GALNT13: variants seen among roughly 807,000 people sequenced by gnomAD.
GALNT13 encodes UDP-GalNAc:polypeptide N-acetylgalactosaminyltransferase 13.
In GALNT13, 28 loss-of-function variants were observed where a neutral mutation model predicts 64.2. The observed-to-expected ratio is 0.44, with a 90% CI of 0.32 to 0.60. The LOEUF (loss-of-function observed/expected upper bound fraction) is 0.60. Ranked by LOEUF, GALNT13 falls within the 20% of genes least tolerant of loss-of-function variation. The pLI, the probability that GALNT13 is intolerant of heterozygous loss-of-function variation, is 0.05. For synonymous variants in GALNT13, 214 were observed against 224.6 expected (o/e 0.95, Z 0.42); for missense variants, 577 against 669.8 (o/e 0.86, Z 1.53).
At chr2:153,766,910 C>T in the GALNT13 span, among the ~76,000 whole-genome samples, 1 of 151,978 alleles carries the variant, frequency 6.6e-6, no homozygotes, top group Non-Finnish European at 1.5e-5. Context: ...TATTTCTTTT[C>T]ACTTTTTTAT....
chr2:154,099,829 G>A (rs12622619), intron 3 of GALNT13, among the ~76,000 whole-genome samples: 54,918 of 151,928 alleles, frequency 0.36, 10,301 homozygotes, highest in Non-Finnish European at 0.41. Context: ...GGTCCCAGCT[G>A]CAAGGGGAGC....
chr2:153,577,936 TCACA>T, the GALNT13 span, among the ~76,000 whole-genome samples: 3 of 151,342 alleles, frequency 2.0e-5, no homozygotes, highest in Non-Finnish European at 4.4e-5. Flanking sequence ...ACACAGGTAG[TCACA>T]CACAAACACA....
intron 4 of GALNT13, among the ~76,000 whole-genome samples, chr2:154,196,809 G>A (rs926067415): frequency 6.6e-6 from 1 of 152,154 alleles, no homozygotes; most frequent in African/African-American, 2.4e-5. Flanking sequence ...CCAAGAATTG[G>A]GTTCTACTAA....
chr2:154,139,580 C>T (rs1005995347), intron 3 of GALNT13, among the ~76,000 whole-genome samples: 3 of 150,788 alleles, frequency 2.0e-5, no homozygotes, highest in Admixed American at 6.7e-5. Context: ...GGCACTTTGT[C>T]TTATTACTAT....
At chr2:153,280,873 T>C in the GALNT13 span, among the ~76,000 whole-genome samples, 1 of 152,186 alleles carries the variant, frequency 6.6e-6, no homozygotes, top group African/African-American at 2.4e-5. Context: ...AGATGTCTAT[T>C]AGGTCCAATT....
the GALNT13 span, among the ~76,000 whole-genome samples, chr2:153,390,657 A>G: frequency 6.6e-6 from 1 of 152,070 alleles, no homozygotes; most frequent in Non-Finnish European, 1.5e-5. Flanking sequence ...TTACATTATT[A>G]TGGTTTTATT....
the GALNT13 span, among the ~76,000 whole-genome samples, chr2:153,278,295 T>C: frequency 8.5e-5 from 13 of 152,268 alleles, no homozygotes; most frequent in Non-Finnish European, 1.9e-4. Flanking sequence ...TTTTCTGTCA[T>C]TCTGTAGGTT....
chr2:154,386,508 T>A (rs1013211892), intron 9 of GALNT13, among the ~76,000 whole-genome samples: 31 of 152,076 alleles, frequency 2.0e-4, no homozygotes. Context: ...GTTTCAAGAC[T>A]GGGAGGGTCA....
intron 3 of GALNT13, among the ~76,000 whole-genome samples, chr2:154,019,650 ACAC>A (rs2105272354): frequency 1.5e-5 from 2 of 130,322 alleles, no homozygotes; most frequent in East Asian, 2.2e-4. Flanking sequence ...ACACACACAC[ACAC>A]AAAAGCAAGA....
the GALNT13 span, among the ~76,000 whole-genome samples, chr2:153,504,485 A>G: frequency 5.9e-5 from 9 of 152,144 alleles, no homozygotes; most frequent in African/African-American, 1.9e-4. Flanking sequence ...AATGTTTTCA[A>G]CTTTTCCCCA....
chr2:154,110,256 T>C (rs546226023), intron 3 of GALNT13, among the ~76,000 whole-genome samples: 28 of 115,972 alleles, frequency 2.4e-4, no homozygotes, highest in Admixed American at 1.0e-3. Flanking sequence ...GTGAGGGTTC[T>C]CTAGAGGGAC....
chr2:154,063,495 C>G (rs761051105), intron 3 of GALNT13, among the ~76,000 whole-genome samples: 9 of 152,048 alleles, frequency 5.9e-5, no homozygotes, highest in Non-Finnish European at 1.2e-4. Context: ...TTCTAAAGGT[C>G]ATATTTTTCT....
chr2:154,063,765 A>G (rs1241781915), intron 3 of GALNT13, among the ~76,000 whole-genome samples: 2 of 152,200 alleles, frequency 1.3e-5, no homozygotes, highest in Non-Finnish European at 1.5e-5. Flanking sequence ...TTTCAAAAGC[A>G]AGAGGTTTTT....
the GALNT13 span, among the ~76,000 whole-genome samples, chr2:153,264,720 G>T: frequency 1.3e-5 from 2 of 152,190 alleles, no homozygotes; most frequent in African/African-American, 4.8e-5. Flanking sequence ...AACACTGCTT[G>T]TACTCACTTA....
chr2:153,084,766 T>A, the GALNT13 span, among the ~76,000 whole-genome samples: 12 of 152,190 alleles, frequency 7.9e-5, no homozygotes, highest in Non-Finnish European at 1.5e-4. Context: ...TAAATCTCTT[T>A]TCTTTATAAA....
At chr2:153,265,727 C>T in the GALNT13 span, among the ~76,000 whole-genome samples, 1 of 152,182 alleles carries the variant, frequency 6.6e-6, no homozygotes, top group Non-Finnish European at 1.5e-5. Context: ...AAGATTATTA[C>T]TAGAGGCTTC....
intron 9 of GALNT13, among the ~76,000 whole-genome samples, chr2:154,367,894 G>A (rs1332303050): frequency 6.6e-6 from 1 of 152,136 alleles, no homozygotes; most frequent in African/African-American, 2.4e-5. Flanking sequence ...TGGGAAATGG[G>A]AATACTGTGA....
At chr2:153,867,809 A>G (rs1489212596), upstream of GALNT13, among the ~76,000 whole-genome samples, 1 of 151,938 alleles carries the variant, frequency 6.6e-6, no homozygotes, top group Non-Finnish European at 1.5e-5. Context: ...AGTTCACAAT[A>G]GGGTTCACAC....
At chr2:154,268,848 G>T (rs1349795411) in intron 8 of GALNT13, among the ~76,000 whole-genome samples, 1 of 152,032 alleles carries the variant, frequency 6.6e-6, no homozygotes, top group African/African-American at 2.4e-5. Flanking sequence ...CATTAAAGCT[G>T]TTTATAAATA....
Sources: allele counts gnomAD v4.1 joint callset (sites outside exome capture counted in the v4.1 genomes callset), GRCh38; gene constraint gnomAD v4.1.1; transcripts MANE v1.5; gene names NCBI Gene and HGNC (gene_info 2026-07-23, HGNC 2026-07-21).